CTNNA2: variants seen among roughly 807,000 people sequenced by gnomAD.
CTNNA2 encodes the protein catenin alpha 2.
In CTNNA2, 42 loss-of-function variants were observed where a neutral mutation model predicts 101.0. The ratio of observed to expected loss-of-function variants is 0.42; its 90% confidence interval spans 0.32 to 0.54. The LOEUF is 0.54. Ranked by LOEUF, CTNNA2 falls within the 20% of genes least tolerant of loss-of-function variation. The pLI is 0.14. For missense variants in CTNNA2, 871 were observed against 1,223.1 expected, an observed-to-expected ratio of 0.71 and a Z score of 4.29; for synonymous variants, 450 against 456.4, an observed-to-expected ratio of 0.99 and a Z score of 0.18.
intron 7 of CTNNA2, among the ~76,000 whole-genome samples, chr2:80,035,331 G>T (rs1457330964): frequency 1.3e-5 from 2 of 152,114 alleles, no homozygotes; most frequent in Non-Finnish European, 2.9e-5. Context: ...GTATCACCTA[G>T]AAACGAAGAT....
chr2:79,647,416 T>A (rs1440309249), intron 1 of CTNNA2, among the ~76,000 whole-genome samples: 3 of 152,206 alleles, frequency 2.0e-5, no homozygotes, highest in African/African-American at 7.2e-5. Context: ...TATAAAATCC[T>A]TATTATCCTG....
chr2:79,760,191 A>G (rs1296635648), intron 3 of CTNNA2, among the ~76,000 whole-genome samples: 3 of 152,228 alleles, frequency 2.0e-5, no homozygotes, highest in Non-Finnish European at 4.4e-5. Context: ...TGACTGATAG[A>G]TAGAAAGCAT....
At chr2:80,038,160 A>G (rs986570587) in intron 7 of CTNNA2, among the ~76,000 whole-genome samples, 1 of 152,194 alleles carries the variant, frequency 6.6e-6, no homozygotes, top group Non-Finnish European at 1.5e-5. Context: ...GACTCTGCCT[A>G]GTACTGTCAG....
intron 1 of CTNNA2, among the ~76,000 whole-genome samples, chr2:79,643,133 G>T (rs1680569967): frequency 6.6e-6 from 1 of 152,114 alleles, no homozygotes; most frequent in South Asian, 2.1e-4. Context: ...GGGGGTTGCA[G>T]TGAGCCTAGA....
intron 7 of CTNNA2, among the ~76,000 whole-genome samples, chr2:80,366,274 G>T (rs1674923189): frequency 1.3e-5 from 2 of 152,114 alleles, no homozygotes; most frequent in African/African-American, 4.8e-5. Flanking sequence ...GATATTACAA[G>T]AGAAAAACAT....
rs186710124 is a variant in CTNNA2, at chr2:80,107,649, G to A, written c.1056+197852G>A. Among the ~76,000 whole-genome samples, 3 of 152,366 alleles carry A rather than the reference G, an allele frequency of 2.0e-5. No homozygotes were observed. In the East Asian group the frequency reaches 5.8e-4, roughly 29 times the overall value. On this transcript the variant is annotated intron_variant, in intron 7 of 18. Transcript: ENST00000402739. ...CTCACGGAGTGTGGTGCCCAACAAA[G>A]GCTGTCACACTGGCACTTTGCCCTT...
At chr2:79,594,684 G>C (rs1677075515) in intron 1 of CTNNA2, among the ~76,000 whole-genome samples, 1 of 151,952 alleles carries the variant, frequency 6.6e-6, no homozygotes, top group Admixed American at 6.6e-5. Context: ...TACATTAAGA[G>C]GGCATTTCTC....
intron 7 of CTNNA2, among the ~76,000 whole-genome samples, chr2:80,131,071 G>T (rs937227375): frequency 2.0e-5 from 3 of 151,480 alleles, no homozygotes; most frequent in Admixed American, 2.0e-4. Flanking sequence ...TTGTTTGTTT[G>T]TTTTGAGACA....
intron 7 of CTNNA2, among the ~76,000 whole-genome samples, chr2:80,247,028 A>G (rs941600430): frequency 1.3e-5 from 2 of 152,170 alleles, no homozygotes; most frequent in African/African-American, 4.8e-5. Flanking sequence ...CCTTGATAGA[A>G]TGTCGTTTAG....
chr2:79,728,213 A>G (rs867064770), intron 2 of CTNNA2, among the ~76,000 whole-genome samples: 3 of 152,100 alleles, frequency 2.0e-5, no homozygotes, highest in African/African-American at 4.8e-5. Flanking sequence ...AAGTGTTCCT[A>G]TTTCTCCACA....
At chr2:79,841,312 G>A (rs960743469) in intron 3 of CTNNA2, among the ~76,000 whole-genome samples, 7 of 152,122 alleles carry the variant, frequency 4.6e-5, no homozygotes, top group African/African-American at 1.7e-4. Flanking sequence ...TATTTGAAGA[G>A]CTTGTCCTGC....
At chr2:79,954,320 G>T (rs1166191904) in intron 7 of CTNNA2, among the ~76,000 whole-genome samples, 2 of 151,998 alleles carry the variant, frequency 1.3e-5, no homozygotes, top group African/African-American at 4.8e-5. Context: ...CAAATACGTA[G>T]CAATTTATAA....
chr2:79,932,120 T>G lies in CTNNA2; in HGVS notation c.1056+22323T>G, dbSNP rs1025678671. 2.0e-5 allele frequency among the ~76,000 whole-genome samples: 3 copies of G among 152,158 alleles called. No homozygotes were observed. The East Asian group carries it at 5.8e-4, about 29-fold the overall frequency. ...TCTGTGGGGACGAGCCTCACCCACC[T>G]GGGGCTGAGTGGAGCAACTCTTACT... On this transcript the variant is annotated intron_variant, in intron 7 of 18. Coordinates refer to ENST00000402739, the MANE Select transcript of CTNNA2 (RefSeq NM_001282597.3).
intron 3 of CTNNA2, among the ~76,000 whole-genome samples, chr2:79,834,195 G>T (rs559010236): frequency 6.6e-6 from 1 of 152,146 alleles, no homozygotes; most frequent in Admixed American, 6.5e-5. Flanking sequence ...TTGCTTTCCT[G>T]GGACAGTGAC....
intron 1 of CTNNA2, among the ~76,000 whole-genome samples, chr2:79,535,267 C>T (rs2103956972): frequency 6.6e-6 from 1 of 151,948 alleles, no homozygotes; most frequent in Admixed American, 6.6e-5. Flanking sequence ...TTCAGTGGTG[C>T]AATCTTGGCT....
At chr2:79,917,538 T>C (rs1172441266) in intron 7 of CTNNA2, among the ~76,000 whole-genome samples, 1 of 152,246 alleles carries the variant, frequency 6.6e-6, no homozygotes, top group Non-Finnish European at 1.5e-5. Flanking sequence ...CTTACAATTC[T>C]GTTTGGCTGC....
intron 4 of CTNNA2, among the ~76,000 whole-genome samples, chr2:79,859,307 C>G (rs556673564): frequency 9.9e-5 from 15 of 152,160 alleles, no homozygotes; most frequent in African/African-American, 2.9e-4. Context: ...AAATGAATAA[C>G]AAGAGCGTGC....
chr2:80,613,933 G>A (rs888431438), intron 17 of CTNNA2, among the ~76,000 whole-genome samples: 1 of 151,420 alleles, frequency 6.6e-6, no homozygotes, highest in Non-Finnish European at 1.5e-5. Context: ...GCAGGAGTTA[G>A]TAGCTTTAAG....
chr2:79,922,697 C>T (rs1305174935), intron 7 of CTNNA2, among the ~76,000 whole-genome samples: 4 of 146,788 alleles, frequency 2.7e-5, no homozygotes, highest in Non-Finnish European at 6.0e-5. Context: ...CACCCATTTT[C>T]CTAAAACCTC....
Sources: allele counts gnomAD v4.1 joint callset (sites outside exome capture counted in the v4.1 genomes callset), GRCh38; gene constraint gnomAD v4.1.1; transcripts MANE v1.5; gene names NCBI Gene and HGNC (gene_info 2026-07-23, HGNC 2026-07-21).